The following SPAG16 variants were observed in gnomAD, a reference collection of about 807,000 sequenced individuals.
SPAG16 encodes sperm-associated antigen 16 protein.
Under a neutral mutation model 80.4 loss-of-function variants are expected in SPAG16, and 86 were observed. The ratio of observed to expected loss-of-function variants is 1.07; its 90% CI spans 0.90 to 1.28. SPAG16 has a LOEUF of 1.28. Ranked by LOEUF, SPAG16 falls within the 50% of genes most tolerant of loss-of-function variation. SPAG16 has a pLI of 0.00. For missense variants in SPAG16, 870 were observed against 765.3 expected (o/e 1.14, Z -1.61); for synonymous variants, 294 against 265.9 (o/e 1.11, Z -1.03).
At chr2:213,680,226 T>A (rs968009511) in intron 10 of SPAG16, among the ~76,000 whole-genome samples, 3 of 152,118 alleles carry the variant, frequency 2.0e-5, no homozygotes, top group Non-Finnish European at 4.4e-5. Flanking sequence ...TACTCAGGTA[T>A]CAGCAAGAAC....
At position 213,859,178 on chromosome 2, in the gene SPAG16, C is replaced by CAAAAAAAAAAAAAAAAAAAAAAAAAAA. The variant is rs1165853142; in HGVS notation, c.1071-3295_1071-3269dup. ...TGGGCAACAGAGCGACACTCCGTCT[C>CAAAAAAAAAAAAAAAAAAAAAAAAAAA]AAAAAAAAAAAAAAAAAAAAAAAAA... On this transcript the variant is annotated intron_variant, in intron 10 of 15. Transcript: ENST00000331683. Among the ~76,000 whole-genome samples, 2 of 9,378 alleles carry CAAAAAAAAAAAAAAAAAAAAAAAAAAA rather than the reference C, an allele frequency of 2.1e-4. 1 individual carries two copies. The highest frequency in any genetic ancestry group is 3.6e-4 in the Non-Finnish European group (2 of 5,530). The allele number at this position is 9,378 out of a possible 152,430, so 6.2% of individuals were successfully genotyped here. A position where few individuals can be genotyped will look rare whatever the true frequency, so the allele number is the denominator to read the frequency against.
intron 9 of SPAG16, among the ~76,000 whole-genome samples, chr2:213,447,514 T>C (rs1232084659): frequency 2.0e-5 from 3 of 152,242 alleles, no homozygotes; most frequent in Non-Finnish European, 4.4e-5. Context: ...GGGACTCCAA[T>C]TGGCATTATG....
At chr2:214,116,737 G>T (rs985775691) in intron 14 of SPAG16, among the ~76,000 whole-genome samples, 14 of 152,228 alleles carry the variant, frequency 9.2e-5, no homozygotes, top group African/African-American at 3.1e-4. Flanking sequence ...ATCTAGGACA[G>T]AGAGCCATGT....
intron 13 of SPAG16, among the ~76,000 whole-genome samples, chr2:214,017,715 T>A (rs1385163340): frequency 2.0e-5 from 3 of 152,168 alleles, no homozygotes; most frequent in Non-Finnish European, 4.4e-5. Context: ...CACAGTACCT[T>A]CAGCATAGTG....
At chr2:214,306,475 C>T (rs1312570775) in intron 15 of SPAG16, among the ~76,000 whole-genome samples, 1 of 152,116 alleles carries the variant, frequency 6.6e-6, no homozygotes, top group Non-Finnish European at 1.5e-5. Flanking sequence ...GGAATGCTTC[C>T]AGCTTTTGCT....
At chr2:213,547,018 GATTAC>G (rs1376850338) in intron 10 of SPAG16, among the ~76,000 whole-genome samples, 1 of 152,090 alleles carries the variant, frequency 6.6e-6, no homozygotes, top group African/African-American at 2.4e-5. Flanking sequence ...AATAGAAATA[GATTAC>G]ATTTCACTAT....
intron 15 of SPAG16, among the ~76,000 whole-genome samples, chr2:214,373,672 T>A (rs1157462836): frequency 1.3e-5 from 2 of 152,154 alleles, no homozygotes; most frequent in Non-Finnish European, 2.9e-5. Context: ...ATTTTGCTGA[T>A]GGGAGTGCAA....
intron 10 of SPAG16, among the ~76,000 whole-genome samples, chr2:213,793,197 G>C (rs551749266): frequency 6.6e-6 from 1 of 151,834 alleles, no homozygotes; most frequent in Non-Finnish European, 1.5e-5. Context: ...CAAAGTGCTG[G>C]GATTACAGAT....
intron 5 of SPAG16, among the ~76,000 whole-genome samples, chr2:213,338,380 G>A (rs1300119684): frequency 1.3e-5 from 2 of 152,188 alleles, no homozygotes; most frequent in South Asian, 2.1e-4. Context: ...AACCTTAAAT[G>A]TAAATGGACT....
intron 12 of SPAG16, among the ~76,000 whole-genome samples, chr2:213,975,143 T>G (rs912165298): frequency 2.0e-5 from 3 of 151,004 alleles, no homozygotes; most frequent in Non-Finnish European, 3.0e-5. Flanking sequence ...AGGTCTGTAA[T>G]AGATGTAGAT....
intron 15 of SPAG16, among the ~76,000 whole-genome samples, chr2:214,200,197 C>T (rs138675842): frequency 2.0e-4 from 30 of 152,124 alleles, no homozygotes; most frequent in African/African-American, 7.2e-4. Flanking sequence ...AACTTTTCCC[C>T]ATTCAGTGTG....
rs532795609 is a variant in SPAG16 at position 213,474,355 on chromosome 2, C to G, written c.943-15608C>G. On this transcript the variant is annotated intron_variant, in intron 9 of 15. Transcript: ENST00000331683. ...CAGGAGATAGGTCTCTCAGGGAAACCTTGGCAGATTTGAGGCTCAGTATCT... is the reference window on the plus strand; with the variant it reads ...CAGGAGATAGGTCTCTCAGGGAAACGTTGGCAGATTTGAGGCTCAGTATCT... Among the ~76,000 whole-genome samples, 6 of 152,232 alleles carry G rather than the reference C, an allele frequency of 3.9e-5. No individual in the cohort carries two copies. In the South Asian group the frequency reaches 1.0e-3, roughly 26 times the overall value.
chr2:213,840,138 T>C (rs2125752012), intron 10 of SPAG16, among the ~76,000 whole-genome samples: 2 of 152,246 alleles, frequency 1.3e-5, no homozygotes, highest in South Asian at 4.1e-4. Flanking sequence ...TACTTGGAAA[T>C]TAGGAATGCA....
At chr2:213,834,674 T>C (rs1388165096) in intron 10 of SPAG16, among the ~76,000 whole-genome samples, 3 of 152,096 alleles carry the variant, frequency 2.0e-5, no homozygotes, top group East Asian at 1.9e-4. Flanking sequence ...GACATATCTT[T>C]TGGGAGAAAA....
At chr2:213,732,299 C>A (rs1335877544) in intron 10 of SPAG16, among the ~76,000 whole-genome samples, 1 of 151,448 alleles carries the variant, frequency 6.6e-6, no homozygotes, top group African/African-American at 2.4e-5. Flanking sequence ...TCTTGGCAAG[C>A]CAAATCACAA....
intron 12 of SPAG16, among the ~76,000 whole-genome samples, chr2:213,960,184 AGTT>A (rs2044341550): frequency 6.6e-6 from 1 of 151,800 alleles, no homozygotes; most frequent in Admixed American, 6.6e-5. Flanking sequence ...TTTTCCTTTC[AGTT>A]GTTATATGTT....
intron 10 of SPAG16, among the ~76,000 whole-genome samples, chr2:213,626,900 G>A (rs1559322596): frequency 6.6e-6 from 1 of 151,950 alleles, no homozygotes; most frequent in Non-Finnish European, 1.5e-5. Flanking sequence ...CTCCCACCTT[G>A]GCTTCCCAAA....
chr2:214,225,428 G>A (rs1359897101), intron 15 of SPAG16, among the ~76,000 whole-genome samples: 1 of 152,128 alleles, frequency 6.6e-6, no homozygotes, highest in Non-Finnish European at 1.5e-5. Flanking sequence ...TTGGATCAGA[G>A]TGAAAGCAGG....
chr2:214,067,387 G>A (rs1243995305), intron 13 of SPAG16, among the ~76,000 whole-genome samples: 1 of 152,108 alleles, frequency 6.6e-6, no homozygotes, highest in Non-Finnish European at 1.5e-5. Flanking sequence ...TTTAATAGTA[G>A]TCCTTATTGT....
Sources: gnomAD v4.1 joint callset for allele counts (sites outside exome capture counted in the v4.1 genomes callset) on GRCh38, gnomAD v4.1.1 for gene constraint, MANE v1.5 for transcripts, NCBI Gene and HGNC (gene_info 2026-07-23, HGNC 2026-07-21) for gene names.